GMDS: variants seen among roughly 807,000 people sequenced by gnomAD.
The protein encoded by GMDS is GDP-mannose 4,6 dehydratase.
GMDS carries 20 observed loss-of-function variants against 49.9 expected under a neutral mutation model. The ratio of observed to expected loss-of-function variants is 0.40; its 90% CI spans 0.28 to 0.58. The LOEUF (loss-of-function observed/expected upper bound fraction) is 0.58, where lower values mean the gene tolerates loss of function less well. Among genes scored for constraint, GMDS ranks in the 20% least tolerant of loss-of-function variants. The pLI is 0.42. For missense variants in GMDS, 362 were observed against 481.4 expected (o/e 0.75, Z 2.32); for synonymous variants, 177 against 178.6 (o/e 0.99, Z 0.07).
At chr6:2,018,416 A>G (rs1768040757) in intron 4 of GMDS, among the ~76,000 whole-genome samples, 1 of 152,182 alleles carries the variant, frequency 6.6e-6, no homozygotes, top group Non-Finnish European at 1.5e-5. Context: ...TTGTTGAGCA[A>G]CCATCAACAT....
intron 7 of GMDS, among the ~76,000 whole-genome samples, chr6:1,874,904 A>T (rs960638752): frequency 6.6e-6 from 1 of 152,234 alleles, no homozygotes; most frequent in Non-Finnish European, 1.5e-5. Flanking sequence ...GTTTTTCAAA[A>T]TGCGAGAAGA....
At chr6:1,909,131 A>G (rs937005434) in intron 7 of GMDS, among the ~76,000 whole-genome samples, 2 of 152,220 alleles carry the variant, frequency 1.3e-5, no homozygotes, top group African/African-American at 4.8e-5. Flanking sequence ...AGAGCATATC[A>G]TACATCTTGA....
intron 4 of GMDS, among the ~76,000 whole-genome samples, chr6:2,092,873 G>C (rs967470292): frequency 6.6e-6 from 1 of 152,112 alleles, no homozygotes; most frequent in African/African-American, 2.4e-5. Flanking sequence ...TAATTGAATA[G>C]CAATATAAAT....
chr6:2,237,600 C>A (rs1420676077), intron 1 of GMDS, among the ~76,000 whole-genome samples: 2 of 149,122 alleles, frequency 1.3e-5, no homozygotes, highest in African/African-American at 5.0e-5. Context: ...CGGCTCACTG[C>A]AAGCTCTGCC....
chr6:2,224,566 T>C (rs541871131), intron 1 of GMDS, among the ~76,000 whole-genome samples: 8 of 152,272 alleles, frequency 5.3e-5, no homozygotes, highest in Admixed American at 4.6e-4. Flanking sequence ...ATTTTACATA[T>C]AATTTTATAG....
chr6:2,031,099 T>C (rs1025489072), intron 4 of GMDS, among the ~76,000 whole-genome samples: 5 of 152,340 alleles, frequency 3.3e-5, no homozygotes, highest in African/African-American at 7.2e-5. Flanking sequence ...TCTCACACTT[T>C]AATGTGCATA....
Position 1,799,897 on chromosome 6 carries a change from G to A in GMDS, c.772-57311C>T, listed in dbSNP as rs564763450. ...AAATACCTCCTCACACATTTATATC[G>A]GTTGGAGATTTGTTTAGATTAACAG... is the stretch of plus-strand genomic sequence containing the variant. On this transcript the variant is annotated intron_variant, in intron 7 of 10. Coordinates refer to ENST00000380815, the MANE Select transcript of GMDS (RefSeq NM_001500.4). Among the ~76,000 whole-genome samples, 7 of 152,224 alleles carry A rather than the reference G, an allele frequency of 4.6e-5. No individual in the cohort carries two copies. In the East Asian group the frequency reaches 5.8e-4, roughly 13 times the overall value.
chr6:2,035,361 A>T (rs892328529), intron 4 of GMDS, among the ~76,000 whole-genome samples: 1 of 152,136 alleles, frequency 6.6e-6, no homozygotes, highest in Non-Finnish European at 1.5e-5. Flanking sequence ...AAGCTTATCC[A>T]TTCTTCAAGG....
chr6:2,197,341 G>A (rs1210716161), intron 1 of GMDS, among the ~76,000 whole-genome samples: 1 of 152,156 alleles, frequency 6.6e-6, no homozygotes, highest in South Asian at 2.1e-4. Flanking sequence ...TCCCGCCCAG[G>A]TTCTTGGTGG....
At chr6:2,011,533 T>C (rs1423152701) in intron 4 of GMDS, among the ~76,000 whole-genome samples, 3 of 152,188 alleles carry the variant, frequency 2.0e-5, no homozygotes, top group Admixed American at 2.0e-4. Context: ...ATAGTAAAGA[T>C]GTGGAAACAA....
At chr6:1,910,674 G>A (rs571539356) in intron 7 of GMDS, among the ~76,000 whole-genome samples, 10 of 152,126 alleles carry the variant, frequency 6.6e-5, no homozygotes, top group East Asian at 1.9e-4. Flanking sequence ...GCACATACAC[G>A]AGGGTCTTTT....
intron 6 of GMDS, among the ~76,000 whole-genome samples, chr6:1,936,966 CAA>C (rs34542518): frequency 4.8e-3 from 462 of 97,158 alleles, no homozygotes; most frequent in African/African-American, 0.014. Context: ...GACTCTGTCT[CAA>C]AAAAAAAAAA....
intron 4 of GMDS, among the ~76,000 whole-genome samples, chr6:1,961,730 C>T (rs1763955619): frequency 6.6e-6 from 1 of 152,286 alleles, no homozygotes; most frequent in Non-Finnish European, 1.5e-5. Context: ...TATTCGTAGG[C>T]TAATATAGCT....
rs537503223 is a variant in GMDS at position 2,000,986 on chromosome 6, A to G, written c.346-40020T>C. ...CTTGTTTAAGTTTTTGTGTGGACCT[A>G]TGCTTTCATTTCTCTTGGGTAGAGT... On this transcript the variant is annotated intron_variant, in intron 4 of 10. Transcript: ENST00000380815. 3.9e-5 allele frequency among the ~76,000 whole-genome samples: 6 copies of G among 152,320 alleles called. No individual in the cohort carries two copies. The East Asian group carries it at 7.7e-4, about 20-fold the overall frequency.
At chr6:1,975,229 C>A (rs148620856) in intron 4 of GMDS, among the ~76,000 whole-genome samples, 2 of 152,116 alleles carry the variant, frequency 1.3e-5, no homozygotes, top group Admixed American at 6.5e-5. Context: ...TACCGCCTCA[C>A]GATTTTTACA....
intron 9 of GMDS, among the ~76,000 whole-genome samples, chr6:1,695,535 T>C (rs12189662): frequency 0.078 from 11,919 of 152,282 alleles, 528 homozygotes; most frequent in East Asian, 0.13. Flanking sequence ...GTATGTTATA[T>C]TGGTAATCAT....
chr6:2,044,899 TG>T (rs74565469), intron 4 of GMDS, among the ~76,000 whole-genome samples: 6 of 152,170 alleles, frequency 3.9e-5, no homozygotes, highest in East Asian at 1.9e-4. Context: ...TGTGTGTGTG[TG>T]TTTTTTTCAG....
At chr6:1,866,584 A>G (rs11970588) in intron 7 of GMDS, among the ~76,000 whole-genome samples, 3,359 of 152,360 alleles carry the variant, frequency 0.022, 120 homozygotes, top group African/African-American at 0.077. Flanking sequence ...AAGTTTAACA[A>G]TTAAACCTGC....
At chr6:1,711,938 A>G (rs1412529187) in intron 9 of GMDS, among the ~76,000 whole-genome samples, 1 of 152,128 alleles carries the variant, frequency 6.6e-6, no homozygotes, top group Non-Finnish European at 1.5e-5. Context: ...CCAGCCGAAC[A>G]TGCCCCCCAA....
Sources: allele counts gnomAD v4.1 joint callset (sites outside exome capture counted in the v4.1 genomes callset), GRCh38; gene constraint gnomAD v4.1.1; transcripts MANE v1.5; gene names NCBI Gene and HGNC (gene_info 2026-07-23, HGNC 2026-07-21).